Variants in ASAH1 observed in about 807,000 individuals in gnomAD.
The protein encoded by ASAH1 is N-acylsphingosine amidohydrolase 1.
In ASAH1, 70 loss-of-function variants were observed where a neutral mutation model predicts 59.5. The ratio of observed to expected loss-of-function variants is 1.18; its 90% CI spans 0.97 to 1.43. The LOEUF is 1.43. ASAH1 is among the 40% of genes most tolerant of loss of function. The pLI is 0.00. For synonymous variants in ASAH1, 213 were observed against 166.5 expected, an observed-to-expected ratio of 1.28 and a Z score of -2.15; for missense variants, 660 against 482.5, an observed-to-expected ratio of 1.37 and a Z score of -3.45.
rs563894972 is a variant in ASAH1 at position 18,070,312 on chromosome 8, G to T, written c.217-434C>A. Reference sequence around the variant, plus strand: ...CTACAGGCATGCACCACCATGCCTGGCTAATTTTTGTATTTTTAGTAGAGA... The same window carrying T: ...CTACAGGCATGCACCACCATGCCTGTCTAATTTTTGTATTTTTAGTAGAGA... On this transcript the variant is annotated intron_variant, in intron 3 of 13. Transcript: ENST00000637790. 1.2e-4 allele frequency among the ~76,000 whole-genome samples: 19 copies of T among 152,242 alleles called. 1 individual carries two copies. In the South Asian group the frequency reaches 3.7e-3, roughly 30 times the overall value.
intron 13 of ASAH1, 89 bp from the exon 14 acceptor site, chr8:18,057,712 CT>C: frequency 1.2e-6 from 1 of 824,030 alleles, no homozygotes; most frequent in Non-Finnish European, 1.8e-6. Flanking sequence ...GTAGAATTTG[CT>C]TTAGAAGTTA....
At chr8:18,084,263 A>G (rs2117109176), upstream of ASAH1, 2 of 1,450,560 alleles carry the variant, frequency 1.4e-6, no homozygotes, top group East Asian at 2.5e-5. Context: ...GGCGTAGAGA[A>G]AGAGAGAGAG....
intron 13 of ASAH1, chr8:18,058,467 G>A (rs1799558976): frequency 4.7e-6 from 1 of 214,612 alleles, no homozygotes; most frequent in African/African-American, 2.3e-5. Context: ...AGGGAAACCC[G>A]AACCCACCAA....
chr8:18,077,874 C>G (rs1388834117), intron 1 of ASAH1, among the ~76,000 whole-genome samples: 3 of 152,232 alleles, frequency 2.0e-5, no homozygotes, highest in Middle Eastern at 6.8e-3. Flanking sequence ...TCTTGTTTAT[C>G]TGACCATTGT....
At chr8:18,079,768 T>C (rs1221582055) in intron 1 of ASAH1, among the ~76,000 whole-genome samples, 1 of 152,208 alleles carries the variant, frequency 6.6e-6, no homozygotes, top group East Asian at 1.9e-4. Context: ...TCAACAACTA[T>C]TTTGCAGACA....
intron 2 of ASAH1, among the ~76,000 whole-genome samples, chr8:18,074,656 T>G (rs915702344): frequency 6.6e-6 from 1 of 152,172 alleles, no homozygotes; most frequent in Admixed American, 6.5e-5. Context: ...GTCTGTGAGC[T>G]GTTATTATGG....
intron 1 of ASAH1, 144 bp downstream of exon 1, chr8:18,083,837 C>T (rs1304580189): frequency 6.7e-7 from 1 of 1,488,540 alleles, no homozygotes; most frequent in African/African-American, 1.4e-5. Flanking sequence ...GCACCCACAC[C>T]CCTGTGCACG....
intron 5 of ASAH1, chr8:18,064,754 A>G: frequency 1.9e-6 from 1 of 517,632 alleles, no homozygotes; most frequent in Non-Finnish European, 3.4e-6. Context: ...CGAGCTGAAC[A>G]TCTGGGCAGG....
chr8:18,083,680 G>A (rs79297497), intron 1 of ASAH1, among the ~76,000 whole-genome samples: 3 of 152,212 alleles, frequency 2.0e-5, no homozygotes, highest in East Asian at 3.8e-4. Context: ...GCAAGGGCCT[G>A]GAACTGGTTA....
At chr8:18,079,647 G>C (rs1800567773) in intron 1 of ASAH1, among the ~76,000 whole-genome samples, 1 of 152,128 alleles carries the variant, frequency 6.6e-6, no homozygotes, top group South Asian at 2.1e-4. Flanking sequence ...TACTCAGAAA[G>C]AGACAATGAA....
rs1410997619 is a variant in ASAH1 at position 18,056,341 on chromosome 8, GT to G, written c.*1192del. 6.6e-6 allele frequency: 1 copy of G among 152,104 alleles called. No individual in the cohort carries two copies. Among genetic ancestry groups the G allele is most frequent in the Non-Finnish European group, 1.5e-5 (1 of 68,018 alleles). 9.4% of individuals were successfully genotyped at this position (152,104 alleles called of 1,614,324 possible). A position where few individuals can be genotyped will look rare whatever the true frequency, so the allele number is the denominator to read the frequency against. ...TTAATAACCCACTTACATAACCCTT[GT>G]TATTTAATTCAGATACGATGTTCAG... is the stretch of plus-strand genomic sequence containing the variant. On this transcript the variant is annotated 3_prime_UTR_variant, in exon 14 of 14. Transcript: ENST00000637790.
At chr8:18,071,428 G>A in intron 2 of ASAH1, 38 bp from the exon 3 acceptor site, 1 of 1,327,298 alleles carries the variant, frequency 7.5e-7, no homozygotes. Context: ...ATGATGAAAG[G>A]GTTTTTTGTG....
chr8:18,057,759 G>A, intron 13 of ASAH1, 136 bp from the exon 14 acceptor site: 4 of 413,922 alleles, frequency 9.7e-6, no homozygotes, highest in South Asian at 8.7e-5. Context: ...TATATGCAAA[G>A]CATGTTATAT....
intron 1 of ASAH1, 98 bp downstream of exon 1, chr8:18,083,883 G>T: frequency 6.5e-7 from 1 of 1,533,068 alleles, no homozygotes; most frequent in Non-Finnish European, 8.7e-7. Flanking sequence ...TGCCCAGCAC[G>T]AGGTGTTCCT....
At chr8:18,068,428 G>C (rs943232705) in intron 4 of ASAH1, 20 of 152,424 alleles carry the variant, frequency 1.3e-4, no homozygotes, top group African/African-American at 4.8e-4. Flanking sequence ...AGGAAGTCCG[G>C]TAAGTATGAA....
At chr8:18,067,151 C>CAT in intron 5 of ASAH1, 69 bp downstream of exon 5, 1 of 845,642 alleles carries the variant, frequency 1.2e-6, no homozygotes, top group Non-Finnish European at 1.8e-6. Context: ...GTATGTATAT[C>CAT]ACACCTCAAT....
At chr8:18,080,123 T>C (rs1394799004) in intron 1 of ASAH1, among the ~76,000 whole-genome samples, 1 of 152,210 alleles carries the variant, frequency 6.6e-6, no homozygotes, top group Non-Finnish European at 1.5e-5. Flanking sequence ...TGAAGTGCAA[T>C]AAATTCCTAG....
intron 7 of ASAH1, chr8:18,062,699 A>G: frequency 2.2e-6 from 1 of 455,134 alleles, no homozygotes; most frequent in Non-Finnish European, 4.0e-6. Flanking sequence ...TTATTTTTTC[A>G]GAAAGGTCAA....
At chr8:18,078,770 T>C (rs749803258) in intron 1 of ASAH1, among the ~76,000 whole-genome samples, 3 of 152,144 alleles carry the variant, frequency 2.0e-5, no homozygotes, top group Non-Finnish European at 2.9e-5. Context: ...TAGAAACAGA[T>C]GATAAGAAGA....
Sources: allele counts gnomAD v4.1 joint callset (sites outside exome capture counted in the v4.1 genomes callset), GRCh38; gene constraint gnomAD v4.1.1; transcripts MANE v1.5; gene names NCBI Gene and HGNC (gene_info 2026-07-23, HGNC 2026-07-21).